The following RPS6KC1 variants were observed in gnomAD, a reference collection of about 807,000 sequenced individuals.
RPS6KC1 encodes the protein ribosomal protein S6 kinase C1.
In RPS6KC1, 54 loss-of-function variants were observed where a neutral mutation model predicts 103.8. That is an observed-to-expected ratio of 0.52 (90% CI 0.42 to 0.65). The LOEUF is 0.65. RPS6KC1 is among the 30% of genes least tolerant of loss of function. The pLI is 0.00. For missense variants in RPS6KC1, 1,151 were observed against 1,253.8 expected (o/e 0.92, Z 1.24); for synonymous variants, 439 against 438.7 (o/e 1.00, Z -0.01).
chr1:213,385,458 G>T, the RPS6KC1 span, among the ~76,000 whole-genome samples: 2 of 152,202 alleles, frequency 1.3e-5, no homozygotes, highest in Admixed American at 6.5e-5. Context: ...TAGCCATCAT[G>T]CCATGCTGCC....
chr1:213,765,425 A>G, the RPS6KC1 span, among the ~76,000 whole-genome samples: 1 of 152,064 alleles, frequency 6.6e-6, no homozygotes, highest in Non-Finnish European at 1.5e-5. Flanking sequence ...TAGGAGCTCC[A>G]CTTGTTAGGG....
chr1:213,126,238 A>T (rs2084981967), intron 5 of RPS6KC1, among the ~76,000 whole-genome samples: 1 of 152,154 alleles, frequency 6.6e-6, no homozygotes, highest in African/African-American at 2.4e-5. Flanking sequence ...ATTTCTTAGG[A>T]TAGTAGATAA....
At chr1:213,455,265 G>A in the RPS6KC1 span, among the ~76,000 whole-genome samples, 10 of 152,186 alleles carry the variant, frequency 6.6e-5, no homozygotes, top group East Asian at 1.9e-3. Flanking sequence ...AGGAATGGCG[G>A]TGGATCGTAA....
At chr1:213,559,274 C>A in the RPS6KC1 span, among the ~76,000 whole-genome samples, 1 of 152,208 alleles carries the variant, frequency 6.6e-6, no homozygotes, top group Non-Finnish European at 1.5e-5. Flanking sequence ...GGCCACCACA[C>A]TGCCCAGTGG....
chr1:213,627,150 T>C, the RPS6KC1 span, among the ~76,000 whole-genome samples: 1 of 152,214 alleles, frequency 6.6e-6, no homozygotes, highest in Admixed American at 6.5e-5. Context: ...ACGTCCCTTG[T>C]AAGTTGGATT....
chr1:213,561,356 C>T, the RPS6KC1 span, among the ~76,000 whole-genome samples: 29 of 152,278 alleles, frequency 1.9e-4, no homozygotes, highest in African/African-American at 6.3e-4. Context: ...CTTCCAACCA[C>T]GCTGAACCAA....
intron 8 of RPS6KC1, among the ~76,000 whole-genome samples, chr1:213,184,710 C>T (rs990182258): frequency 5.9e-5 from 9 of 152,184 alleles, no homozygotes; most frequent in South Asian, 2.1e-4. Context: ...TCATTTGTTT[C>T]GAGAAGTTTT....
intron 3 of RPS6KC1, among the ~76,000 whole-genome samples, chr1:213,081,567 G>A (rs1258473002): frequency 1.3e-5 from 2 of 151,952 alleles, no homozygotes; most frequent in African/African-American, 4.8e-5. Context: ...TTGTACTAGG[G>A]TTGGTCTGTG....
rs558284796 is a variant in RPS6KC1, at chr1:213,207,163, T to C, written c.1045-23334T>C. On this transcript the variant is annotated intron_variant, in intron 8 of 14. Transcript: ENST00000366960. ...ATATGCCACCCCAAAATACACTGCT[T>C]TGGCATATTTTGAGATGGCTATTCA... Among the ~76,000 whole-genome samples, 4 of 152,278 alleles carry C rather than the reference T, an allele frequency of 2.6e-5. No individual in the cohort carries two copies. The East Asian group carries it at 7.7e-4, about 29-fold the overall frequency.
the RPS6KC1 span, among the ~76,000 whole-genome samples, chr1:213,693,104 T>C: frequency 0.39 from 60,052 of 152,112 alleles, 12,135 homozygotes; most frequent in African/African-American, 0.48. Context: ...AGACTATATC[T>C]GCTTTCTCTC....
chr1:213,086,336 C>T (rs568740854), intron 3 of RPS6KC1, among the ~76,000 whole-genome samples: 97 of 152,202 alleles, frequency 6.4e-4, no homozygotes, highest in Non-Finnish European at 1.1e-3. Flanking sequence ...TCTGCTGGCA[C>T]CACAACAGAG....
the RPS6KC1 span, among the ~76,000 whole-genome samples, chr1:213,849,440 T>TCTTTA: frequency 1.3e-5 from 2 of 152,332 alleles, no homozygotes; most frequent in South Asian, 4.1e-4. Context: ...CAATTTGAAT[T>TCTTTA]CCAACTTTGC....
At chr1:213,159,126 A>G (rs927877136) in intron 6 of RPS6KC1, among the ~76,000 whole-genome samples, 7 of 151,984 alleles carry the variant, frequency 4.6e-5, no homozygotes, top group Non-Finnish European at 8.8e-5. Context: ...TAAAAAAACA[A>G]CCCTTAAACT....
At chr1:213,653,967 A>G in the RPS6KC1 span, among the ~76,000 whole-genome samples, 6 of 152,208 alleles carry the variant, frequency 3.9e-5, no homozygotes, top group African/African-American at 1.2e-4. Context: ...CAGGGTCAGG[A>G]CTTGAGGTCA....
chr1:213,858,577 A>T, the RPS6KC1 span, among the ~76,000 whole-genome samples: 1 of 152,200 alleles, frequency 6.6e-6, no homozygotes, highest in South Asian at 2.1e-4. Flanking sequence ...AGCAAAGGAC[A>T]TGATCCCAGT....
the RPS6KC1 span, among the ~76,000 whole-genome samples, chr1:213,830,434 C>A: frequency 6.6e-6 from 1 of 152,064 alleles, no homozygotes; most frequent in South Asian, 2.1e-4. Context: ...ATTTAAGGAG[C>A]CTGACTCACG....
the RPS6KC1 span, among the ~76,000 whole-genome samples, chr1:213,366,551 C>T: frequency 6.6e-6 from 1 of 152,236 alleles, no homozygotes; most frequent in Non-Finnish European, 1.5e-5. Flanking sequence ...GTTCAACTCT[C>T]GTTGTAGCAC....
At chr1:213,288,534 A>G in the RPS6KC1 span, among the ~76,000 whole-genome samples, 1 of 152,364 alleles carries the variant, frequency 6.6e-6, no homozygotes, top group East Asian at 1.9e-4. Flanking sequence ...CCAGATTTAA[A>G]CATTCCTTGC....
At chr1:213,810,932 G>C in the RPS6KC1 span, among the ~76,000 whole-genome samples, 1 of 152,214 alleles carries the variant, frequency 6.6e-6, no homozygotes, top group Non-Finnish European at 1.5e-5. Context: ...TGAGGCCAGA[G>C]AGTGGCATCT....
Sources: allele counts gnomAD v4.1 joint callset (sites outside exome capture counted in the v4.1 genomes callset), GRCh38; gene constraint gnomAD v4.1.1; transcripts MANE v1.5; gene names NCBI Gene and HGNC (gene_info 2026-07-23, HGNC 2026-07-21).